MRPS28: variants seen among roughly 807,000 people sequenced by gnomAD.
MRPS28 encodes mitochondrial ribosomal protein S28.
MRPS28 carries 7 observed loss-of-function variants against 10.8 expected under a neutral mutation model. The ratio of observed to expected loss-of-function variants is 0.65; its 90% CI spans 0.37 to 1.22. The LOEUF is 1.22. Among genes scored for constraint, MRPS28 ranks in the 50% most tolerant of loss-of-function variants. MRPS28 has a pLI of 0.02. For missense variants in MRPS28, 265 were observed against 232.9 expected (o/e 1.14, Z -0.90); for synonymous variants, 121 against 93.3 (o/e 1.30, Z -1.71).
chr8:79,962,282 G>C (rs1482152251), intron 2 of MRPS28, among the ~76,000 whole-genome samples: 1 of 152,160 alleles, frequency 6.6e-6, no homozygotes, highest in East Asian at 1.9e-4. Flanking sequence ...AGAAGCTACA[G>C]GAGCCCAGTG....
chr8:80,029,931 A>G (rs112977383), intron 1 of MRPS28, 105 bp downstream of exon 1: 2 of 1,536,852 alleles, frequency 1.3e-6, no homozygotes, highest in East Asian at 2.4e-5. Context: ...TGGGCCCCGG[A>G]CCTCAGCTCC....
intron 2 of MRPS28, among the ~76,000 whole-genome samples, chr8:79,980,484 C>A (rs561607144): frequency 6.6e-6 from 1 of 152,290 alleles, no homozygotes; most frequent in East Asian, 1.9e-4. Context: ...ACAATAAATT[C>A]TCATTTAATT....
intron 1 of MRPS28, among the ~76,000 whole-genome samples, chr8:80,009,393 T>C (rs12547727): frequency 0.011 from 1,732 of 151,850 alleles, 74 homozygotes; most frequent in East Asian, 0.09. Flanking sequence ...ACCTGCACAT[T>C]GTGCACATGT....
chr8:79,983,649 C>A (rs922895298), intron 2 of MRPS28, among the ~76,000 whole-genome samples: 1 of 151,880 alleles, frequency 6.6e-6, no homozygotes, highest in African/African-American at 2.4e-5. Context: ...GGAGCTGATG[C>A]GATCAACTGG....
At chr8:79,999,732 G>A (rs904776636) in intron 2 of MRPS28, among the ~76,000 whole-genome samples, 8 of 152,178 alleles carry the variant, frequency 5.3e-5, no homozygotes, top group African/African-American at 1.9e-4. Context: ...GAGAAAATAA[G>A]TAATCAAACT....
At chr8:79,945,029 A>G (rs1806871323) in intron 2 of MRPS28, among the ~76,000 whole-genome samples, 2 of 152,076 alleles carry the variant, frequency 1.3e-5, no homozygotes, top group Non-Finnish European at 2.9e-5. Context: ...AAAACTTCAA[A>G]TTCAACATAT....
chr8:80,007,873 A>AT (rs1317704608), intron 1 of MRPS28, among the ~76,000 whole-genome samples: 1 of 152,208 alleles, frequency 6.6e-6, no homozygotes, highest in Non-Finnish European at 1.5e-5. Context: ...ATTCAATGCC[A>AT]TCCCCATCAA....
At chr8:80,005,116 A>G (rs1318205256) in intron 1 of MRPS28, among the ~76,000 whole-genome samples, 3 of 152,178 alleles carry the variant, frequency 2.0e-5, no homozygotes, top group Non-Finnish European at 4.4e-5. Context: ...CCAACATTCA[A>G]ATTCAGGAAA....
intron 2 of MRPS28, among the ~76,000 whole-genome samples, chr8:79,940,909 T>G (rs951938183): frequency 6.6e-6 from 1 of 152,226 alleles, no homozygotes; most frequent in Non-Finnish European, 1.5e-5. Context: ...AACATTGATT[T>G]TTATTTCATT....
chr8:79,957,558 A>C (rs1376349986), intron 2 of MRPS28, among the ~76,000 whole-genome samples: 1 of 151,836 alleles, frequency 6.6e-6, no homozygotes, highest in Non-Finnish European at 1.5e-5. Context: ...AAAAAAAAAA[A>C]AAAAAAAAAC....
chr8:80,005,078 G>C (rs1395946940), intron 1 of MRPS28, among the ~76,000 whole-genome samples: 2 of 152,180 alleles, frequency 1.3e-5, no homozygotes, highest in Non-Finnish European at 2.9e-5. Flanking sequence ...TATTATCCAG[G>C]AGAACATCCC....
At chr8:79,935,856 A>G (rs1433210502) in intron 2 of MRPS28, among the ~76,000 whole-genome samples, 1 of 152,128 alleles carries the variant, frequency 6.6e-6, no homozygotes. Context: ...GAAGTAAAAG[A>G]AATGGAGGCA....
chr8:79,920,724 C>T (rs1168490617), intron 2 of MRPS28, among the ~76,000 whole-genome samples: 5 of 152,126 alleles, frequency 3.3e-5, no homozygotes, highest in African/African-American at 1.2e-4. Context: ...AAAATTTTCT[C>T]CCATTCTGTA....
chr8:79,990,989 C>CAAAAA (rs60436244), intron 2 of MRPS28, among the ~76,000 whole-genome samples: 3 of 118,908 alleles, frequency 2.5e-5, no homozygotes, highest in Non-Finnish European at 5.3e-5. Context: ...GACTCCATCT[C>CAAAAA]AAAAAAAAAA....
chr8:79,968,529 G>C lies in MRPS28; in HGVS notation c.395+34470C>G, dbSNP rs138484902. On this transcript the variant is annotated intron_variant, in intron 2 of 2. Coordinates refer to ENST00000276585, the MANE Select transcript of MRPS28 (RefSeq NM_014018.3). Reference sequence around the variant, plus strand: ...ATATAAAGTCCAGACTCCCTGAATAGAACACAAGTCAATTCACAATCTGAT... The same window carrying C: ...ATATAAAGTCCAGACTCCCTGAATACAACACAAGTCAATTCACAATCTGAT... Among the ~76,000 whole-genome samples, 1,223 of 152,188 alleles carry C rather than the reference G, an allele frequency of 8.0e-3. 12 individuals are homozygous for C. The highest frequency in any genetic ancestry group is 0.028 in the African/African-American group (1,154 of 41,520).
At chr8:79,919,855 T>G (rs767729995) in intron 2 of MRPS28, among the ~76,000 whole-genome samples, 20 of 152,254 alleles carry the variant, frequency 1.3e-4, no homozygotes, top group South Asian at 4.1e-4. Flanking sequence ...CGTGCAGGTT[T>G]GTTACATATG....
At chr8:80,016,185 C>T (rs1809189364) in intron 1 of MRPS28, among the ~76,000 whole-genome samples, 1 of 152,080 alleles carries the variant, frequency 6.6e-6, no homozygotes, top group African/African-American at 2.4e-5. Flanking sequence ...ATCCAGGAAG[C>T]TCAGAGGACA....
chr8:80,002,924 T>C (rs1030705773), intron 2 of MRPS28, 75 bp downstream of exon 2: 4 of 1,224,064 alleles, frequency 3.3e-6, no homozygotes, highest in Non-Finnish European at 4.4e-6. Flanking sequence ...AAAATCACCT[T>C]TCATTCAACA....
Position 79,933,163 on chromosome 8 carries a change from G to A in MRPS28, c.396-14015C>T, listed in dbSNP as rs139154056. Among the ~76,000 whole-genome samples the A allele has an allele frequency of 2.0e-3, 298 of 152,212 alleles. 1 individual carries two copies. The highest frequency in any genetic ancestry group is 6.9e-3 in the African/African-American group (286 of 41,526). ...CTGCTATAACAAAATACCACAGATC[G>A]GGTGGCTTAAACAACAGAAATTTGT... is the stretch of plus-strand genomic sequence containing the variant. On this transcript the variant is annotated intron_variant, in intron 2 of 2. Coordinates refer to ENST00000276585, the MANE Select transcript of MRPS28 (RefSeq NM_014018.3).
Sources: gnomAD v4.1 joint callset for allele counts (sites outside exome capture counted in the v4.1 genomes callset) on GRCh38, gnomAD v4.1.1 for gene constraint, MANE v1.5 for transcripts, NCBI Gene and HGNC (gene_info 2026-07-23, HGNC 2026-07-21) for gene names.